Variants in ASAP1 observed in about 807,000 individuals in gnomAD.
ASAP1 encodes ArfGAP with SH3 domain, ankyrin repeat and PH domain 1, also known as arf-GAP with SH3 domain, ANK repeat and PH domain-containing protein 1.
ASAP1 carries 43 observed loss-of-function variants against 145.2 expected under a neutral mutation model. The observed-to-expected ratio is 0.30, with a 90% confidence interval of 0.23 to 0.38. ASAP1 has a LOEUF of 0.38. ASAP1 is among the 10% of genes least tolerant of loss of function. ASAP1 has a pLI of 1.00. For synonymous variants in ASAP1, 546 were observed against 515.5 expected (o/e 1.06, Z -0.80); for missense variants, 1,018 against 1,355.3 (o/e 0.75, Z 3.91).
chr8:130,309,518 T>A (rs1823199219), intron 3 of ASAP1, among the ~76,000 whole-genome samples: 1 of 152,172 alleles, frequency 6.6e-6, no homozygotes, highest in Admixed American at 6.5e-5. Flanking sequence ...CAACTGCTGC[T>A]GCAGATGAGG....
intron 1 of ASAP1, among the ~76,000 whole-genome samples, chr8:130,410,932 C>T (rs1030630004): frequency 6.6e-6 from 1 of 152,224 alleles, no homozygotes; most frequent in African/African-American, 2.4e-5. Context: ...GTAATCTCCG[C>T]TCACTGCAAC....
intron 3 of ASAP1, among the ~76,000 whole-genome samples, chr8:130,322,633 TA>T (rs1156591326): frequency 6.6e-6 from 1 of 152,246 alleles, no homozygotes; most frequent in Non-Finnish European, 1.5e-5. Context: ...CAGTTCAATA[TA>T]ATGCTATCTG....
chr8:130,127,548 G>C (rs974816226), intron 16 of ASAP1, among the ~76,000 whole-genome samples: 4 of 152,142 alleles, frequency 2.6e-5, no homozygotes, highest in African/African-American at 9.7e-5. Context: ...TTTAGGATAA[G>C]TAAACTACGA....
intron 25 of ASAP1, among the ~76,000 whole-genome samples, chr8:130,091,486 T>A (rs977863157): frequency 6.6e-6 from 1 of 151,664 alleles, no homozygotes; most frequent in Non-Finnish European, 1.5e-5. Flanking sequence ...CAGGAGAGGG[T>A]CTAGGAGATA....
intron 13 of ASAP1, among the ~76,000 whole-genome samples, chr8:130,146,875 G>C (rs2097632192): frequency 1.3e-5 from 2 of 152,208 alleles, no homozygotes; most frequent in African/African-American, 2.4e-5. Context: ...TGAAAGAAGA[G>C]GTACCCCAAA....
chr8:130,072,822 T>TGTGTGTGTGCGCGTGTGC (rs1554816353), intron 27 of ASAP1, among the ~76,000 whole-genome samples: 26 of 26,052 alleles, frequency 1.0e-3, no homozygotes, highest in South Asian at 7.6e-3. Context: ...TGTGTGTGTG[T>TGTGTGTGTGCGCGTGTGC]GTGCGCGCGG....
intron 11 of ASAP1, chr8:130,160,679 A>G: frequency 1.5e-6 from 1 of 673,340 alleles, no homozygotes; most frequent in Non-Finnish European, 2.2e-6. Flanking sequence ...CCATTACATT[A>G]CGAAAATGTA....
chr8:130,159,645 C>T (rs2097665173), intron 12 of ASAP1, among the ~76,000 whole-genome samples: 1 of 151,610 alleles, frequency 6.6e-6, no homozygotes, highest in African/African-American at 2.4e-5. Flanking sequence ...CCTATAATTG[C>T]ACGTTACAAG....
At chr8:130,260,624 C>T (rs1297927437) in intron 3 of ASAP1, among the ~76,000 whole-genome samples, 1 of 152,162 alleles carries the variant, frequency 6.6e-6, no homozygotes, top group Non-Finnish European at 1.5e-5. Flanking sequence ...ACTGGAATTT[C>T]AGACTGTGGG....
At chr8:130,226,872 T>C (rs1428559635) in intron 4 of ASAP1, among the ~76,000 whole-genome samples, 1 of 152,212 alleles carries the variant, frequency 6.6e-6, no homozygotes, top group Non-Finnish European at 1.5e-5. Flanking sequence ...GATGGCTCTG[T>C]AGGTAATTGC....
rs947069976 is a variant in ASAP1 at position 130,353,251 on chromosome 8, T to C, written c.186+4766A>G. ...TAGGACTTGGAAAATGACTTGTATA[T>C]AGCAGGGCCTCCCCAAAAATGTGTT... On this transcript the variant is annotated intron_variant, in intron 3 of 29. Coordinates refer to ENST00000518721, the MANE Select transcript of ASAP1 (RefSeq NM_018482.4). Among the ~76,000 whole-genome samples, 3 of 152,320 alleles carry C rather than the reference T, an allele frequency of 2.0e-5. No individual in the cohort carries two copies. The East Asian group carries it at 5.8e-4, about 29-fold the overall frequency.
chr8:130,217,134 G>A (rs573923781), intron 4 of ASAP1, among the ~76,000 whole-genome samples: 1 of 152,304 alleles, frequency 6.6e-6, no homozygotes, highest in Non-Finnish European at 1.5e-5. Context: ...TGGAAGTGAT[G>A]CATACCACGT....
chr8:130,275,667 A>T (rs1467184505), intron 3 of ASAP1, among the ~76,000 whole-genome samples: 2 of 152,238 alleles, frequency 1.3e-5, no homozygotes, highest in African/African-American at 4.8e-5. Context: ...TTCTTGCACA[A>T]TTAGAGAAAC....
intron 1 of ASAP1, among the ~76,000 whole-genome samples, chr8:130,424,528 T>G (rs1024770117): frequency 6.6e-6 from 1 of 152,214 alleles, no homozygotes; most frequent in African/African-American, 2.4e-5. Flanking sequence ...TTGTTTTTTT[T>G]AAACAATTTA....
chr8:130,084,255 T>C (rs1184115565), intron 25 of ASAP1: 2 of 152,196 alleles, frequency 1.3e-5, no homozygotes, highest in Non-Finnish European at 2.9e-5. Context: ...AAGAATCCTG[T>C]CACTCTCATA....
chr8:130,138,309 T>A (rs1368202745), intron 13 of ASAP1, among the ~76,000 whole-genome samples: 2 of 152,226 alleles, frequency 1.3e-5, no homozygotes, highest in Non-Finnish European at 2.9e-5. Context: ...ACAATGCCCT[T>A]TGTCCCATAT....
chr8:130,321,479 A>G (rs186048108), intron 3 of ASAP1, among the ~76,000 whole-genome samples: 1 of 152,238 alleles, frequency 6.6e-6, no homozygotes, highest in East Asian at 1.9e-4. Flanking sequence ...CTCAATTTCT[A>G]CATTTACAAA....
At chr8:130,056,956 G>A (rs576807979) in intron 29 of ASAP1, among the ~76,000 whole-genome samples, 37 of 152,322 alleles carry the variant, frequency 2.4e-4, no homozygotes, top group East Asian at 1.2e-3. Flanking sequence ...GACTGCCCTC[G>A]CAGGTCACTC....
chr8:130,201,160 G>C (rs1815845532), intron 5 of ASAP1, among the ~76,000 whole-genome samples: 1 of 152,198 alleles, frequency 6.6e-6, no homozygotes, highest in African/African-American at 2.4e-5. Flanking sequence ...CACTGCCTTA[G>C]ACTAAAGGCT....
Sources: allele counts gnomAD v4.1 joint callset (sites outside exome capture counted in the v4.1 genomes callset), GRCh38; gene constraint gnomAD v4.1.1; transcripts MANE v1.5; gene names NCBI Gene and HGNC (gene_info 2026-07-23, HGNC 2026-07-21).